BTBD9: variants seen among roughly 807,000 people sequenced by gnomAD.
The protein encoded by BTBD9 is BTB domain containing 9.
A neutral mutation model predicts 64.3 loss-of-function variants in BTBD9; 49 were observed. The observed-to-expected ratio is 0.76, with a 90% CI of 0.61 to 0.97. The LOEUF is 0.97. Ranked by LOEUF, BTBD9 falls within the 50% of genes least tolerant of loss-of-function variation. BTBD9 has a pLI of 0.00. For synonymous variants in BTBD9, 260 were observed against 274.7 expected, an observed-to-expected ratio of 0.95 and a Z score of 0.53; for missense variants, 598 against 762.1, an observed-to-expected ratio of 0.78 and a Z score of 2.53.
intron 4 of BTBD9, among the ~76,000 whole-genome samples, chr6:38,591,887 T>C (rs10484856): frequency 0.18 from 27,643 of 152,116 alleles, 3,207 homozygotes; most frequent in Non-Finnish European, 0.27. Context: ...TATTGTTATT[T>C]AGAATCTCCA....
intron 7 of BTBD9, among the ~76,000 whole-genome samples, chr6:38,334,457 G>A (rs1034845264): frequency 6.6e-6 from 1 of 152,072 alleles, no homozygotes; most frequent in African/African-American, 2.4e-5. Flanking sequence ...CTACTCGGGA[G>A]GCTGAGGCAA....
Position 38,263,976 on chromosome 6 carries a change from C to T in BTBD9, c.1455-7460G>A, listed in dbSNP as rs547312320. ...CAATGATACCGTGATGGCTACAGGACCAGAGAGACAACGAGGTAAAGAGCA... is the reference window on the plus strand; with the variant it reads ...CAATGATACCGTGATGGCTACAGGATCAGAGAGACAACGAGGTAAAGAGCA... On this transcript the variant is annotated intron_variant, in intron 8 of 10. Transcript: ENST00000481247. Among the ~76,000 whole-genome samples the T allele has an allele frequency of 2.0e-5, 3 of 152,188 alleles. No homozygotes were observed. In the East Asian group the frequency reaches 5.8e-4, roughly 29 times the overall value.
At chr6:38,622,234 T>TC (rs1470116964) in intron 1 of BTBD9, among the ~76,000 whole-genome samples, 1 of 152,160 alleles carries the variant, frequency 6.6e-6, no homozygotes, top group Non-Finnish European at 1.5e-5. Flanking sequence ...TAGGGCACTA[T>TC]CCCGGGGAGC....
At chr6:38,517,808 T>A (rs1280524885) in intron 6 of BTBD9, among the ~76,000 whole-genome samples, 2 of 152,162 alleles carry the variant, frequency 1.3e-5, no homozygotes, top group Non-Finnish European at 2.9e-5. Context: ...CTATAACACA[T>A]CGAATCCATT....
At chr6:38,354,493 C>T (rs1311391503) in intron 6 of BTBD9, among the ~76,000 whole-genome samples, 1 of 152,100 alleles carries the variant, frequency 6.6e-6, no homozygotes, top group East Asian at 1.9e-4. Flanking sequence ...CTCGACAGAA[C>T]ATATGGTCCT....
chr6:38,269,580 G>A (rs1358072615), intron 8 of BTBD9, among the ~76,000 whole-genome samples: 2 of 151,676 alleles, frequency 1.3e-5, no homozygotes, highest in Non-Finnish European at 2.9e-5. Context: ...TAGGACCAAA[G>A]GCTAAATGGG....
intron 7 of BTBD9, among the ~76,000 whole-genome samples, chr6:38,328,968 ATGTGTGTGTGTGTGTGTGTGTGTGTG>A (rs70981541): frequency 3.9e-5 from 5 of 127,318 alleles, no homozygotes; most frequent in African/African-American, 1.2e-4. Context: ...GAAAGAAAAT[ATGTGTGTGTGTGTGTGTGTGTGTGTG>A]TGTGTGTGTG....
chr6:38,402,794 T>C, intron 6 of BTBD9: 1 of 699,820 alleles, frequency 1.4e-6, no homozygotes, highest in Non-Finnish European at 2.6e-6. Context: ...TCAGCAAGAC[T>C]TGGTGGCTCA....
intron 6 of BTBD9, chr6:38,402,700 A>C: frequency 1.6e-6 from 1 of 644,870 alleles, no homozygotes; most frequent in Non-Finnish European, 2.8e-6. Context: ...AAGAGTCAAA[A>C]CTATAATACT....
At chr6:38,322,191 GC>G in intron 7 of BTBD9, among the ~76,000 whole-genome samples, 1 of 152,154 alleles carries the variant, frequency 6.6e-6, no homozygotes, top group Admixed American at 6.5e-5. Flanking sequence ...AGAAGAGACA[GC>G]CAAGCTATAT....
intron 2 of BTBD9, among the ~76,000 whole-genome samples, chr6:38,596,694 G>T (rs9380757): frequency 6.6e-6 from 1 of 151,796 alleles, no homozygotes. Flanking sequence ...CCAGCTACTC[G>T]GGAGGCTGAG....
intron 9 of BTBD9, among the ~76,000 whole-genome samples, chr6:38,252,479 A>C (rs1269370543): frequency 6.6e-6 from 1 of 152,090 alleles, no homozygotes; most frequent in Non-Finnish European, 1.5e-5. Flanking sequence ...TAAAATCATA[A>C]CCTCTGGTTC....
At chr6:38,359,022 C>T (rs1022815854) in intron 6 of BTBD9, among the ~76,000 whole-genome samples, 11 of 152,118 alleles carry the variant, frequency 7.2e-5, no homozygotes, top group African/African-American at 2.2e-4. Context: ...CCACCCGCCT[C>T]GGCCTCCCAA....
In BTBD9 at chr6:38,374,290, T is replaced by TATATATACAC. The variant is rs1344883215; in HGVS notation, c.1155-29198_1155-29197insGTGTATATAT. The stretch of plus-strand genomic sequence containing the variant: ...TGTCGAAAAAAAAAAAAAGTATATA[T>TATATATACAC]ATATATGTATATATATGTATATATA... On this transcript the variant is annotated intron_variant, in intron 6 of 10. Transcript: ENST00000481247. Among the ~76,000 whole-genome samples, 161 of 72,274 alleles carry TATATATACAC rather than the reference T, an allele frequency of 2.2e-3. 9 individuals carry two copies. Among genetic ancestry groups the TATATATACAC allele is most frequent in the African/African-American group, 0.015 (138 of 9,078 alleles). The allele number at this position is 72,274 out of a possible 152,430, so 47.4% of individuals were successfully genotyped here.
intron 9 of BTBD9, among the ~76,000 whole-genome samples, chr6:38,246,374 T>C (rs17757975): frequency 0.11 from 17,451 of 152,164 alleles, 1,094 homozygotes; most frequent in Non-Finnish European, 0.14. Flanking sequence ...GCCTAACGTA[T>C]AGATGACTTC....
intron 6 of BTBD9, among the ~76,000 whole-genome samples, chr6:38,359,113 C>T (rs1458829969): frequency 6.6e-6 from 1 of 152,204 alleles, no homozygotes; most frequent in Non-Finnish European, 1.5e-5. Flanking sequence ...TTAAGTTAAA[C>T]ATGCAGGATG....
intron 6 of BTBD9, among the ~76,000 whole-genome samples, chr6:38,381,271 A>G (rs182487427): frequency 5.3e-5 from 8 of 152,294 alleles, no homozygotes; most frequent in African/African-American, 1.9e-4. Context: ...GCCTGAAACT[A>G]AAGGTATGGA....
Position 38,554,704 on chromosome 6 carries a change from T to C in BTBD9, c.1154+22896A>G, listed in dbSNP as rs183213830. 9.1e-4 allele frequency among the ~76,000 whole-genome samples: 138 copies of C among 152,350 alleles called. 1 individual carries two copies. The highest frequency in any genetic ancestry group is 6.8e-3 in the Middle Eastern group (2 of 294). On this transcript the variant is annotated intron_variant, in intron 6 of 10. Transcript: ENST00000481247. ...CCCAAAACACTGAATTCTTGGATAC[T>C]ATCACAACCTTGGGGTATTCCCCAG...
chr6:38,378,076 T>C (rs913801994), intron 6 of BTBD9, among the ~76,000 whole-genome samples: 7 of 152,186 alleles, frequency 4.6e-5, no homozygotes, highest in Admixed American at 1.3e-4. Context: ...GAACTTCCCA[T>C]GGCTCCGCCC....
Sources: gnomAD v4.1 joint callset for allele counts (sites outside exome capture counted in the v4.1 genomes callset) on GRCh38, gnomAD v4.1.1 for gene constraint, MANE v1.5 for transcripts, NCBI Gene and HGNC (gene_info 2026-07-23, HGNC 2026-07-21) for gene names.